The following PCNT variants were observed in gnomAD, a reference collection of about 807,000 sequenced individuals.
PCNT encodes pericentrin.
PCNT carries 319 observed loss-of-function variants against 380.4 expected under a neutral mutation model. The observed-to-expected ratio is 0.84, with a 90% CI of 0.77 to 0.92. The LOEUF is 0.92. Ranked by LOEUF, PCNT falls within the 40% of genes least tolerant of loss-of-function variation. The pLI is 0.00. For synonymous variants in PCNT, 1,845 were observed against 1,735.2 expected (o/e 1.06, Z -1.57); for missense variants, 4,400 against 4,255.3 (o/e 1.03, Z -0.95).
chr21:46,402,341 TAAAAG>T lies in PCNT; in HGVS notation c.4976_4980del (p.Lys1659ThrfsTer8), dbSNP rs756170729. The T allele has an allele frequency of 1.2e-6, 2 of 1,604,226 alleles. No homozygotes were observed. Among genetic ancestry groups the T allele is most frequent in the South Asian group, 1.1e-5 (1 of 90,802 alleles). The stretch of plus-strand genomic sequence containing the variant: ...TTGTTTTAATGAAAGGTTTTGGACT[TAAAAG>T]AACAGCTAGAAAAGATGAAAGGTGA... On this transcript the variant is annotated frameshift_variant, in exon 27 of 47. Coordinates refer to ENST00000359568, the MANE Select transcript of PCNT (RefSeq NM_006031.6). LOFTEE classifies it high-confidence loss of function.
chr21:46,353,459 C>T (rs762713102), intron 10 of PCNT, 133 bp downstream of exon 10: 78 of 812,312 alleles, frequency 9.6e-5, no homozygotes, highest in Non-Finnish European at 1.4e-4. Context: ...TTTTATGGTC[C>T]AGATTTAAAA....
At chr21:46,324,567 G>GA (rs2083295869) in intron 1 of PCNT, among the ~76,000 whole-genome samples, 1 of 119,652 alleles carries the variant, frequency 8.4e-6, no homozygotes. Context: ...CTGCGTCGGG[G>GA]GGGGTGGGGC....
Position 46,432,199 on chromosome 21 carries a change from G to A in PCNT, c.8735G>A (p.Arg2912Lys), listed in dbSNP as rs1274177692. Residue 2912 changes from arginine to lysine, a missense_variant, in exon 38 of 47, where the codon AGA becomes AAA. Transcript: ENST00000359568. Reference protein sequence around the residue: ...AAAEQWRKWQRDKEKLRELEL... With the variant: ...AAAEQWRKWQKDKEKLRELEL... ...GCGGAGCAGTGGAGGAAGTGGCAGA[G>A]AGACAAGGAGAAGCTGGTGAGAGCC... 1 of 1,610,594 alleles carries A rather than the reference G, an allele frequency of 6.2e-7. No homozygotes were observed. The highest frequency in any genetic ancestry group is 1.3e-5 in the African/African-American group (1 of 74,894).
In PCNT at chr21:46,334,574, A is replaced by T. The variant is rs111737555; in HGVS notation, c.445A>T (p.Ser149Cys). 127 of 1,563,442 alleles carry T rather than the reference A, an allele frequency of 8.1e-5. 2 individuals carry two copies. In the African/African-American group the frequency reaches 1.1e-3, roughly 13 times the overall value. The change falls in exon 3 of 47, where the codon AGT becomes TGT. Residue 149 changes from serine (S) to cysteine (C), a missense_variant. Transcript: ENST00000359568. ...PPEQRGMFTVSDHPPEQHGMF... is the reference protein window; with the variant it reads ...PPEQRGMFTVCDHPPEQHGMF... Reference sequence around the variant, plus strand: ...AGAACAGCGTGGGATGTTCACAGTCAGTGACCACCCACCAGAACAGCATGG... The same window carrying T: ...AGAACAGCGTGGGATGTTCACAGTCTGTGACCACCCACCAGAACAGCATGG...
intron 15 of PCNT, among the ~76,000 whole-genome samples, chr21:46,374,182 C>A (rs567579022): frequency 6.6e-6 from 1 of 152,194 alleles, no homozygotes; most frequent in East Asian, 1.9e-4. Flanking sequence ...CAGCAAGCCC[C>A]CGGTCCCGCT....
chr21:46,376,416 G>C (rs2085333784), intron 15 of PCNT, among the ~76,000 whole-genome samples: 1 of 152,248 alleles, frequency 6.6e-6, no homozygotes, highest in Non-Finnish European at 1.5e-5. Context: ...GAGCGCAGAG[G>C]TTTGCCCTCG....
Position 46,390,830 on chromosome 21 carries a change from A to G in PCNT, c.4001A>G (p.Gln1334Arg). 3 of 1,607,552 alleles carry G rather than the reference A, an allele frequency of 1.9e-6. No individual in the cohort carries two copies. The highest frequency in any genetic ancestry group is 2.5e-6 in the Non-Finnish European group (3 of 1,177,554). ...CTGGCGCTGGAGCTGCACAAGACTCAGGGTGAGCAGCATGAGGCCTCGGGG... is the reference window on the plus strand; with the variant it reads ...CTGGCGCTGGAGCTGCACAAGACTCGGGGTGAGCAGCATGAGGCCTCGGGG... Reference protein sequence around the residue: ...AELALELHKTQGTLEGFKVET... With the variant: ...AELALELHKTRGTLEGFKVET... The change falls in exon 20 of 47, where the codon CAG becomes CGG. Residue 1334 changes from glutamine to arginine, a missense_variant and splice_region_variant. Transcript: ENST00000359568.
intron 41 of PCNT, among the ~76,000 whole-genome samples, chr21:46,439,476 C>T (rs902185057): frequency 6.6e-6 from 1 of 152,180 alleles, no homozygotes; most frequent in Non-Finnish European, 1.5e-5. Context: ...GCAGTGGTGT[C>T]AGCAGCAACC....
rs1172610267 is a variant in PCNT at position 46,381,192 on chromosome 21, A to C, written c.3166-502A>C. Among the ~76,000 whole-genome samples the C allele has an allele frequency of 1.6e-3, 127 of 77,288 alleles. 18 individuals carry two copies. The highest frequency in any genetic ancestry group is 9.5e-3 in the African/African-American group (107 of 11,228). 50.7% of individuals were successfully genotyped at this position (77,288 alleles called of 152,430 possible). ...GTCCTTCCAAAAAAAAAAAAAAAAA[A>C]TCTCTGTGTGTGTGTGTGTGTGTGT... On this transcript the variant is annotated intron_variant, in intron 15 of 46. Transcript: ENST00000359568.
intron 33 of PCNT, 64 bp from the exon 34 acceptor site, chr21:46,427,558 A>G: frequency 6.2e-7 from 1 of 1,600,678 alleles, no homozygotes; most frequent in East Asian, 2.2e-5. Flanking sequence ...CACACTGCGA[A>G]CTTTAGGGCA....
rs1279841437 is a variant in PCNT, at chr21:46,364,019, C to A, written c.2609+85C>A. 3.9e-6 allele frequency: 5 copies of A among 1,265,964 alleles called. No homozygotes were observed. The African/African-American group carries it at 7.3e-5, about 19-fold the overall frequency. 78.4% of individuals were successfully genotyped at this position (1,265,964 alleles called of 1,614,324 possible). On this transcript the variant is annotated intron_variant, in intron 14 of 46. Transcript: ENST00000359568. ...AGGTGGGCAGGCTCCTGGGAGGAGG[C>A]GCTGTGGGCTCCACTGGGCGAAAAG...
At chr21:46,377,780 G>C (rs912916665) in intron 15 of PCNT, among the ~76,000 whole-genome samples, 6 of 152,224 alleles carry the variant, frequency 3.9e-5, no homozygotes, top group Non-Finnish European at 7.3e-5. Context: ...CCAGAAGGTT[G>C]AAGCTGTAGC....
chr21:46,374,631 C>T (rs2147051521), intron 15 of PCNT, among the ~76,000 whole-genome samples: 1 of 152,242 alleles, frequency 6.6e-6, no homozygotes, highest in Non-Finnish European at 1.5e-5. Context: ...GGGTGCATCA[C>T]CTGAGGTTGG....
chr21:46,397,921 C>A, intron 22 of PCNT, 93 bp from the exon 23 acceptor site: 2 of 913,998 alleles, frequency 2.2e-6, no homozygotes, highest in Non-Finnish European at 3.4e-6. Context: ...GGCAGTTGCA[C>A]TTGTACGTGC....
At chr21:46,384,459 GTGT>G (rs1197183357) in intron 16 of PCNT, among the ~76,000 whole-genome samples, 2 of 147,390 alleles carry the variant, frequency 1.4e-5, no homozygotes, top group Middle Eastern at 3.4e-3. Context: ...CGCATTCACG[GTGT>G]TGTGCATTCA....
At chr21:46,442,360 T>A (rs1475725734) in intron 43 of PCNT, 137 bp from the exon 44 acceptor site, 7 of 700,648 alleles carry the variant, frequency 1.0e-5, no homozygotes, top group Non-Finnish European at 1.3e-5. Context: ...GTCAACAGAC[T>A]GGCCGACCTT....
intron 27 of PCNT, among the ~76,000 whole-genome samples, chr21:46,405,952 TCTC>T (rs1230195709): frequency 1.3e-5 from 2 of 152,220 alleles, no homozygotes; most frequent in Non-Finnish European, 2.9e-5. Context: ...TTTCTGTAAT[TCTC>T]CTAATTTTTT....
intron 11 of PCNT, among the ~76,000 whole-genome samples, chr21:46,354,414 C>T (rs1405973306): frequency 1.3e-5 from 2 of 152,218 alleles, no homozygotes; most frequent in African/African-American, 2.4e-5. Flanking sequence ...CCACACGGAG[C>T]GTCTGCTGGC....
At chr21:46,407,427 C>T (rs1036960679) in intron 27 of PCNT, among the ~76,000 whole-genome samples, 24 of 148,940 alleles carry the variant, frequency 1.6e-4, no homozygotes, top group Non-Finnish European at 2.5e-4. Context: ...CTGCAACCTC[C>T]GCCTCCCGGG....
Sources: allele counts gnomAD v4.1 joint callset (sites outside exome capture counted in the v4.1 genomes callset), GRCh38; gene constraint gnomAD v4.1.1; transcripts MANE v1.5; gene names NCBI Gene and HGNC (gene_info 2026-07-23, HGNC 2026-07-21).